Variants in PMM2 observed in about 807,000 individuals in gnomAD.
The protein encoded by PMM2 is phosphomannomutase 2, also known as mannose-6-phosphate isomerase.
In PMM2, 35 loss-of-function variants were observed where a neutral mutation model predicts 33.2. The observed-to-expected ratio is 1.06, with a 90% CI of 0.81 to 1.40. PMM2 has a LOEUF of 1.40. Among genes scored for constraint, PMM2 ranks in the 40% most tolerant of loss-of-function variants. The probability of loss-of-function intolerance (pLI) is 0.00; values close to 1 mark genes in which losing one functional copy is unlikely to be tolerated. For synonymous variants in PMM2, 153 were observed against 114.7 expected (o/e 1.33, Z -2.13); for missense variants, 386 against 306.0 (o/e 1.26, Z -1.95).
chr16:8,836,636 G>T (rs925622649), intron 7 of PMM2, among the ~76,000 whole-genome samples: 1 of 152,006 alleles, frequency 6.6e-6, no homozygotes, highest in African/African-American at 2.4e-5. Context: ...GGTGAGGTTA[G>T]TTAAGTCCTG....
chr16:8,833,651 A>G (rs1054444605), intron 7 of PMM2, among the ~76,000 whole-genome samples: 17 of 151,182 alleles, frequency 1.1e-4, no homozygotes, highest in African/African-American at 3.9e-4. Flanking sequence ...GTCTTGTGGT[A>G]AGGGGTGATA....
intron 1 of PMM2, among the ~76,000 whole-genome samples, chr16:8,800,899 A>G (rs12446031): frequency 0.089 from 13,552 of 152,168 alleles, 792 homozygotes; most frequent in African/African-American, 0.15. Flanking sequence ...GGCCAGGCTG[A>G]TCTCGAACTC....
rs3743808 is a variant in PMM2, at chr16:8,813,101, A to G, written c.634A>G (p.Met212Val). The change falls in exon 7 of 8, where the codon ATG becomes GTG. Residue 212 changes from methionine to valine, a missense_variant. Met to Val is a conservative substitution (Grantham distance 21). Coordinates refer to ENST00000268261, the MANE Select transcript of PMM2 (RefSeq NM_000303.3). ...CATTTATTTCTTTGGAGACAAAACT[A>G]TGCCAGTAAGTAGAGAAGTGTTTGT... ...KTIYFFGDKTMPGGNDHEIFT... is the reference protein window; with the variant it reads ...KTIYFFGDKTVPGGNDHEIFT... 4.7e-4 allele frequency: 745 copies of G among 1,576,140 alleles called. 4 individuals carry two copies. In the East Asian group the frequency reaches 0.015, roughly 32 times the overall value.
intron 2 of PMM2, chr16:8,802,431 G>A (rs2060621793): frequency 2.6e-6 from 1 of 379,000 alleles, no homozygotes; most frequent in East Asian, 7.2e-5. Flanking sequence ...CCTTGCTAAT[G>A]TAGCATTCTG....
intron 7 of PMM2, among the ~76,000 whole-genome samples, chr16:8,828,402 A>G (rs2060790939): frequency 6.6e-6 from 1 of 152,188 alleles, no homozygotes. Context: ...AACCAGACCC[A>G]GGCTACCACT....
intron 7 of PMM2, among the ~76,000 whole-genome samples, chr16:8,828,755 A>G (rs1234461631): frequency 6.6e-6 from 1 of 152,144 alleles, no homozygotes; most frequent in Non-Finnish European, 1.5e-5. Context: ...TCCACATCCT[A>G]TTCTGTGGTC....
At chr16:8,839,400 C>T (rs966064823) in intron 7 of PMM2, among the ~76,000 whole-genome samples, 5 of 151,800 alleles carry the variant, frequency 3.3e-5, no homozygotes, top group African/African-American at 1.2e-4. Flanking sequence ...CCAGCTAGGG[C>T]GGCAGCTGTC....
chr16:8,827,861 T>C (rs1183662341), intron 7 of PMM2, among the ~76,000 whole-genome samples: 7 of 91,254 alleles, frequency 7.7e-5, no homozygotes, highest in African/African-American at 2.6e-4. Flanking sequence ...ATATATGTTA[T>C]ATATTATATA....
At chr16:8,846,926 C>T (rs956367626) in intron 7 of PMM2, among the ~76,000 whole-genome samples, 1 of 152,148 alleles carries the variant, frequency 6.6e-6, no homozygotes, top group Middle Eastern at 3.4e-3. Flanking sequence ...TGCAGTGGTG[C>T]GATCTCGGCT....
intron 7 of PMM2, among the ~76,000 whole-genome samples, chr16:8,830,801 G>T (rs1347047631): frequency 1.3e-5 from 2 of 152,238 alleles, no homozygotes; most frequent in African/African-American, 2.4e-5. Context: ...CCCCAGGCAA[G>T]AAGGGGGTTT....
In PMM2 at chr16:8,800,953, G is replaced by C. The variant is rs2141016389; in HGVS notation, c.67-846G>C. 2.0e-5 allele frequency among the ~76,000 whole-genome samples: 3 copies of C among 152,340 alleles called. No individual in the cohort carries two copies. In the East Asian group the frequency reaches 5.8e-4, roughly 29 times the overall value. On this transcript the variant is annotated intron_variant, in intron 1 of 7. Transcript: ENST00000268261. ...CCGCCTCGGCCTCCTAAAGTGCCGG[G>C]ATTACAGGCATGAGCCTCCATGTCT...
intron 7 of PMM2, among the ~76,000 whole-genome samples, chr16:8,840,962 C>T (rs183122955): frequency 2.0e-5 from 3 of 152,094 alleles, no homozygotes; most frequent in African/African-American, 7.2e-5. Context: ...GGGCTGGTGT[C>T]TGGGATGAGG....
intron 7 of PMM2, among the ~76,000 whole-genome samples, chr16:8,829,697 C>T (rs190825826): frequency 1.1e-4 from 16 of 152,194 alleles, no homozygotes; most frequent in South Asian, 4.1e-4. Flanking sequence ...GATGGTCACC[C>T]TCGAGGCAGC....
chr16:8,816,241 CT>C, intron 7 of PMM2, among the ~76,000 whole-genome samples: 1 of 152,156 alleles, frequency 6.6e-6, no homozygotes, highest in East Asian at 2.0e-4. Context: ...ATTCTTATAC[CT>C]CAGCCTCCCG....
At chr16:8,809,791 T>A (rs1233085288) in intron 4 of PMM2, 1 of 151,896 alleles carries the variant, frequency 6.6e-6, no homozygotes, top group Non-Finnish European at 1.5e-5. Context: ...AACTCTTTGT[T>A]TTTTGTTTTT....
chr16:8,801,738 G>T (rs907429321), intron 1 of PMM2, 61 bp from the exon 2 acceptor site: 6 of 1,047,068 alleles, frequency 5.7e-6, no homozygotes, highest in Non-Finnish European at 7.3e-6. Context: ...TACCCTTAGA[G>T]TTTTGGTCTC....
At position 8,804,768 on chromosome 16, in the gene PMM2, G is replaced by A. The variant is rs1369594012; in HGVS notation, c.180G>A (p.Val60=). 6.2e-7 allele frequency: 1 copy of A among 1,610,758 alleles called. No homozygotes were observed. The highest frequency in any genetic ancestry group is 2.2e-5 in the East Asian group (1 of 44,848). The change falls in exon 3 of 8, where the codon GTG becomes GTA. Residue 60 remains valine (V), a splice_region_variant and synonymous_variant. Transcript: ENST00000268261. ...GTGTTTTTTTGGTTTTGATTGTAGT[G>A]GTTGAAAAATACGATTATGTGTTTC... is the stretch of plus-strand genomic sequence containing the variant. ...EKVQEQLGND[V]VEKYDYVFPE... is the part of the protein sequence containing the mutation.
intron 7 of PMM2, among the ~76,000 whole-genome samples, chr16:8,815,520 C>T (rs1173551016): frequency 1.3e-5 from 2 of 152,184 alleles, no homozygotes; most frequent in Admixed American, 1.3e-4. Context: ...CGTGAGCCAG[C>T]GTGCCCGGTC....
Position 8,811,653 on chromosome 16 carries a change from C to T in PMM2, c.463C>T (p.Gln155Ter), listed in dbSNP as rs754407762. The change falls in exon 6 of 8, where the codon CAA (glutamine) becomes TAA (stop). Residue 155 changes from glutamine (Q) to a stop codon, truncating the protein, a stop_gained. Transcript: ENST00000268261. LOFTEE classifies it high-confidence loss of function. ...YELDKKENIR[Q>*]KFVADLRKEF... ...TTTTTCTCAGAAAGAAAATATAAGA[C>T]AAAAGTTTGTAGCAGATCTACGGAA... 5 of 1,611,910 alleles carry T rather than the reference C, an allele frequency of 3.1e-6. No homozygotes were observed. The South Asian group carries it at 4.4e-5, about 14-fold the overall frequency.
Sources: gnomAD v4.1 joint callset for allele counts (sites outside exome capture counted in the v4.1 genomes callset) on GRCh38, gnomAD v4.1.1 for gene constraint, MANE v1.5 for transcripts, NCBI Gene and HGNC (gene_info 2026-07-23, HGNC 2026-07-21) for gene names.